Variants in RRN3 observed in about 807,000 individuals in gnomAD.
RRN3 encodes the protein RNA polymerase I transcription factor RRN3, also known as RNA polymerase I-specific transcription initiation factor RRN3.
In RRN3, 38 loss-of-function variants were observed where a neutral mutation model predicts 82.3. The ratio of observed to expected loss-of-function variants is 0.46; its 90% CI spans 0.36 to 0.61. The LOEUF is 0.61. Ranked by LOEUF, RRN3 falls within the 20% of genes least tolerant of loss-of-function variation. The pLI is 0.00. For synonymous variants in RRN3, 284 were observed against 284.3 expected (o/e 1.00, Z 0.01); for missense variants, 726 against 793.1 (o/e 0.92, Z 1.02).
chr16:15,083,357 C>T (rs1269909032), intron 8 of RRN3, among the ~76,000 whole-genome samples, 156 bp downstream of exon 8: 1 of 151,982 alleles, frequency 6.6e-6, no homozygotes, highest in Admixed American at 6.6e-5. Context: ...CAAGATGACG[C>T]CATTGCACTC....
chr16:15,086,095 T>A, intron 5 of RRN3, 34 bp downstream of exon 5: 3 of 1,589,320 alleles, frequency 1.9e-6, no homozygotes, highest in Non-Finnish European at 2.6e-6. Flanking sequence ...AAAGAAGTAT[T>A]AAAAAGAAAA....
Position 15,083,405 on chromosome 16 carries a change from G to C in RRN3, c.666+108C>G, listed in dbSNP as rs1477126437. ...CAGAGTGAGACTCGGTCTCAAAAAAGAAAAAGAAAAAGAAAGACTGGAAAA... is the reference window on the plus strand; with the variant it reads ...CAGAGTGAGACTCGGTCTCAAAAAACAAAAAGAAAAAGAAAGACTGGAAAA... On this transcript the variant is annotated intron_variant, in intron 8 of 17. Transcript: ENST00000198767. The C allele has an allele frequency of 8.7e-6, 13 of 1,492,772 alleles. No homozygotes were observed. In the East Asian group the frequency reaches 2.7e-4, roughly 30 times the overall value. 92.5% of individuals were successfully genotyped at this position (1,492,772 alleles called of 1,614,324 possible).
At chr16:15,063,489 A>C (rs975241635) in intron 16 of RRN3, among the ~76,000 whole-genome samples, 2 of 152,032 alleles carry the variant, frequency 1.3e-5, no homozygotes, top group African/African-American at 4.8e-5. Context: ...TGGGCAGATC[A>C]TGAGGTCAGG....
intron 5 of RRN3, among the ~76,000 whole-genome samples, chr16:15,085,928 C>T (rs2045900698): frequency 6.6e-6 from 1 of 152,048 alleles, no homozygotes; most frequent in South Asian, 2.1e-4. Flanking sequence ...TTCAATAAAG[C>T]AAATAAATTC....
intron 8 of RRN3, among the ~76,000 whole-genome samples, chr16:15,081,041 A>T (rs1397018590): frequency 4.6e-5 from 7 of 152,212 alleles, no homozygotes; most frequent in Admixed American, 1.3e-4. Context: ...TTAGGGTCCA[A>T]TCATGTTGTA....
intron 7 of RRN3, 157 bp from the exon 8 acceptor site, chr16:15,083,739 G>T (rs184110233): frequency 1.0e-6 from 1 of 989,766 alleles, no homozygotes; most frequent in East Asian, 2.9e-5. Context: ...TTTTTGAGAC[G>T]GAGTTTCGCT....
intron 9 of RRN3, among the ~76,000 whole-genome samples, 181 bp downstream of exon 9, chr16:15,079,817 G>T (rs530718059): frequency 6.6e-6 from 1 of 152,048 alleles, no homozygotes; most frequent in Non-Finnish European, 1.5e-5. Context: ...GGCTGGTCTC[G>T]AACTCCTGAC....
chr16:15,078,139 T>C (rs561928691), intron 9 of RRN3, among the ~76,000 whole-genome samples: 8 of 152,344 alleles, frequency 5.3e-5, no homozygotes, highest in Admixed American at 1.3e-4. Context: ...CTTAAGTATA[T>C]ACCAGAGAAA....
chr16:15,067,656 A>G (rs2045034594), intron 15 of RRN3, among the ~76,000 whole-genome samples: 1 of 151,494 alleles, frequency 6.6e-6, no homozygotes, highest in African/African-American at 2.4e-5. Flanking sequence ...TGCCATACTT[A>G]TTTCAAAGTG....
Position 15,061,177 on chromosome 16 carries a change from G to C in RRN3, c.*567C>G, listed in dbSNP as rs2044697220. On this transcript the variant is annotated 3_prime_UTR_variant, in exon 18 of 18. Transcript: ENST00000198767. Reference sequence around the variant, plus strand: ...CCAACTCTGTGTCCCAGACCATGTCGGGCCAGCTCTCAGCTTTCCTTCTGT... The same window carrying C: ...CCAACTCTGTGTCCCAGACCATGTCCGGCCAGCTCTCAGCTTTCCTTCTGT... The C allele has an allele frequency of 6.6e-6, 1 of 152,184 alleles. No individual in the cohort carries two copies. Among genetic ancestry groups the C allele is most frequent in the African/African-American group, 2.4e-5 (1 of 41,414 alleles). The allele number at this position is 152,184 out of a possible 1,614,324, so 9.4% of individuals were successfully genotyped here. A position where few individuals can be genotyped will look rare whatever the true frequency, so the allele number is the denominator to read the frequency against.
intron 15 of RRN3, among the ~76,000 whole-genome samples, chr16:15,067,514 C>T (rs976078875): frequency 1.5e-5 from 2 of 136,516 alleles, no homozygotes; most frequent in Non-Finnish European, 3.2e-5. Flanking sequence ...AGCTACCAGA[C>T]CTGAGAGAAC....
chr16:15,076,665 G>C lies in RRN3; in HGVS notation c.766-15C>G, dbSNP rs779784594. The stretch of plus-strand genomic sequence containing the variant: ...GATGCATTCACCTATAACAAAGGGA[G>C]AAAAAAAAAGAATAAAAGGATTTAA... On this transcript the variant is annotated splice_polypyrimidine_tract_variant and intron_variant, in intron 9 of 17. Coordinates refer to ENST00000198767, the MANE Select transcript of RRN3 (RefSeq NM_018427.5). 1.6e-5 allele frequency: 24 copies of C among 1,493,012 alleles called. No individual in the cohort carries two copies. The highest frequency in any genetic ancestry group is 3.5e-4 in the Middle Eastern group (2 of 5,764). The allele number at this position is 1,493,012 out of a possible 1,614,324, so 92.5% of individuals were successfully genotyped here. A position where few individuals can be genotyped will look rare whatever the true frequency, so the allele number is the denominator to read the frequency against.
chr16:15,083,350 G>A (rs1423028438), intron 8 of RRN3, among the ~76,000 whole-genome samples, 163 bp downstream of exon 8: 1 of 152,124 alleles, frequency 6.6e-6, no homozygotes, highest in African/African-American at 2.4e-5. Flanking sequence ...AGTGAGCCAA[G>A]ATGACGCCAT....
At chr16:15,063,530 A>C (rs1054219175) in intron 16 of RRN3, among the ~76,000 whole-genome samples, 1 of 151,930 alleles carries the variant, frequency 6.6e-6, no homozygotes, top group African/African-American at 2.4e-5. Context: ...AACACGGTGA[A>C]ACCCCATCTC....
intron 11 of RRN3, among the ~76,000 whole-genome samples, chr16:15,073,894 A>G (rs1567199672): frequency 1.3e-5 from 2 of 152,150 alleles, no homozygotes; most frequent in Non-Finnish European, 2.9e-5. Context: ...CTGGGATTCA[A>G]TAACAATTAT....
At chr16:15,077,657 C>A (rs569345092) in intron 9 of RRN3, among the ~76,000 whole-genome samples, 1 of 152,126 alleles carries the variant, frequency 6.6e-6, no homozygotes, top group East Asian at 1.9e-4. Context: ...CTGGCTAACA[C>A]GGTGAAACCC....
At chr16:15,071,451 A>T (rs1253810724) in intron 12 of RRN3, among the ~76,000 whole-genome samples, 200 bp from the exon 13 acceptor site, 1 of 152,194 alleles carries the variant, frequency 6.6e-6, no homozygotes, top group Non-Finnish European at 1.5e-5. Context: ...AATCCAGTGG[A>T]TCCCAAACCT....
chr16:15,082,161 T>C (rs2045733873), intron 8 of RRN3, among the ~76,000 whole-genome samples: 1 of 152,174 alleles, frequency 6.6e-6, no homozygotes, highest in South Asian at 2.1e-4. Flanking sequence ...GTTTTGTTCT[T>C]TGTCTTAGGA....
chr16:15,083,677 A>T, intron 7 of RRN3, 95 bp from the exon 8 acceptor site: 2 of 1,539,052 alleles, frequency 1.3e-6, no homozygotes, highest in Non-Finnish European at 1.8e-6. Flanking sequence ...ATATTGATAG[A>T]CATAGGAGGC....
Sources: gnomAD v4.1 joint callset for allele counts (sites outside exome capture counted in the v4.1 genomes callset) on GRCh38, gnomAD v4.1.1 for gene constraint, MANE v1.5 for transcripts, NCBI Gene and HGNC (gene_info 2026-07-23, HGNC 2026-07-21) for gene names.